The following DPYD variants were observed in gnomAD, a reference collection of about 807,000 sequenced individuals.
DPYD encodes dihydropyrimidine dehydrogenase [NADP(+)].
A neutral mutation model predicts 116.2 loss-of-function variants in DPYD; 109 were observed. The ratio of observed to expected loss-of-function variants is 0.94; its 90% confidence interval spans 0.80 to 1.10. The LOEUF (loss-of-function observed/expected upper bound fraction) is 1.10, where lower values mean the gene tolerates loss of function less well. Ranked by LOEUF, DPYD falls within the 50% of genes least tolerant of loss-of-function variation. DPYD has a pLI of 0.00. For missense variants in DPYD, 1,302 were observed against 1,254.5 expected, an observed-to-expected ratio of 1.04 and a Z score of -0.57; for synonymous variants, 440 against 432.0, an observed-to-expected ratio of 1.02 and a Z score of -0.23.
At chr1:97,127,869 A>G (rs1177598356) in intron 20 of DPYD, among the ~76,000 whole-genome samples, 2 of 152,158 alleles carry the variant, frequency 1.3e-5, no homozygotes, top group African/African-American at 4.8e-5. Flanking sequence ...TGGGAAGAGT[A>G]TATTAAACAG....
At chr1:97,816,085 G>T (rs1668590889) in intron 3 of DPYD, among the ~76,000 whole-genome samples, 1 of 150,634 alleles carries the variant, frequency 6.6e-6, no homozygotes. Context: ...TTAGGAGATG[G>T]ATTCTCACTA....
chr1:97,644,626 T>C (rs1474713426), intron 8 of DPYD, among the ~76,000 whole-genome samples: 3 of 151,332 alleles, frequency 2.0e-5, no homozygotes, highest in African/African-American at 7.3e-5. Flanking sequence ...TTTGTTTTTT[T>C]TTTTTGTATT....
chr1:97,276,417 C>T (rs151000498), intron 18 of DPYD, among the ~76,000 whole-genome samples: 2 of 152,150 alleles, frequency 1.3e-5, no homozygotes, highest in African/African-American at 4.8e-5. Context: ...CAACAAAAGT[C>T]TAATATCCAG....
intron 21 of DPYD, chr1:97,096,094 T>G (rs1650229160): frequency 6.6e-6 from 1 of 152,188 alleles, no homozygotes; most frequent in Admixed American, 6.5e-5. Flanking sequence ...GAACATAAAC[T>G]TGCACTATTT....
At chr1:97,787,358 G>T (rs1376490056) in intron 3 of DPYD, among the ~76,000 whole-genome samples, 1 of 152,096 alleles carries the variant, frequency 6.6e-6, no homozygotes. Flanking sequence ...TGGAAATAAA[G>T]AAGTTTCAAG....
At chr1:97,305,438 A>G (rs1667101099) in intron 17 of DPYD, 60 bp from the exon 18 acceptor site, 1 of 1,608,528 alleles carries the variant, frequency 6.2e-7, no homozygotes, top group South Asian at 1.1e-5. Flanking sequence ...GTTAAAACCC[A>G]TTCAAACCCT....
intron 19 of DPYD, among the ~76,000 whole-genome samples, chr1:97,226,475 A>G (rs1389870305): frequency 2.0e-5 from 3 of 152,188 alleles, no homozygotes; most frequent in Non-Finnish European, 4.4e-5. Flanking sequence ...ATATGTAGGA[A>G]ACTCGGAAGC....
chr1:97,692,197 T>C (rs553549172), intron 6 of DPYD, among the ~76,000 whole-genome samples: 1 of 152,152 alleles, frequency 6.6e-6, no homozygotes, highest in East Asian at 1.9e-4. Context: ...TTAATATATG[T>C]ATACACATAT....
intron 18 of DPYD, among the ~76,000 whole-genome samples, chr1:97,281,841 G>T (rs567531440): frequency 9.2e-5 from 14 of 151,896 alleles, no homozygotes; most frequent in Non-Finnish European, 1.9e-4. Context: ...CATGAGTAGG[G>T]TATAAAATTA....
In DPYD at chr1:97,316,053, C is replaced by T. The variant is rs1260603309; in HGVS notation, c.2059-9756G>A. ...CTCTGGAAGCAATTGTGCAAATGCC[C>T]ATGGATAAAGGACATGATGCCTTTG... On this transcript the variant is annotated intron_variant, in intron 16 of 22. Coordinates refer to ENST00000370192, the MANE Select transcript of DPYD (RefSeq NM_000110.4). Among the ~76,000 whole-genome samples the T allele has an allele frequency of 2.0e-5, 3 of 151,942 alleles. No individual in the cohort carries two copies. The East Asian group carries it at 5.8e-4, about 30-fold the overall frequency.
chr1:97,647,771 T>C (rs1052692981), intron 8 of DPYD, among the ~76,000 whole-genome samples: 15 of 152,062 alleles, frequency 9.9e-5, no homozygotes, highest in African/African-American at 3.6e-4. Context: ...AAGTTTTTCC[T>C]AATAAAATAT....
intron 10 of DPYD, among the ~76,000 whole-genome samples, chr1:97,584,270 T>C (rs1653923233): frequency 6.6e-6 from 1 of 152,112 alleles, no homozygotes; most frequent in Non-Finnish European, 1.5e-5. Context: ...TGTTTTTTTC[T>C]TGTAAATTTG....
intron 2 of DPYD, among the ~76,000 whole-genome samples, chr1:97,828,526 C>G (rs2101481724): frequency 6.6e-6 from 1 of 152,060 alleles, no homozygotes; most frequent in East Asian, 1.9e-4. Flanking sequence ...AATTAGTTCT[C>G]TAAAATAATC....
chr1:97,188,463 G>T (rs936634688), intron 20 of DPYD, among the ~76,000 whole-genome samples: 5 of 152,118 alleles, frequency 3.3e-5, no homozygotes, highest in African/African-American at 1.2e-4. Flanking sequence ...GTAGCATTGT[G>T]CTAGGTGCTT....
At chr1:97,489,793 G>T (rs1678866424) in intron 13 of DPYD, among the ~76,000 whole-genome samples, 1 of 152,068 alleles carries the variant, frequency 6.6e-6, no homozygotes, top group African/African-American at 2.4e-5. Flanking sequence ...AACAAACTTA[G>T]CATTTTAAAT....
chr1:97,679,569 G>A lies in DPYD; in HGVS notation c.763-387C>T, dbSNP rs1003437605. Among the ~76,000 whole-genome samples, 5 of 152,232 alleles carry A rather than the reference G, an allele frequency of 3.3e-5. No homozygotes were observed. In the South Asian group the frequency reaches 6.2e-4, roughly 19 times the overall value. Reference sequence around the variant, plus strand: ...CACAAATAAATGTAACATAAAACAAGCTATGATCACCACATGTGTATGAGA... The same window carrying A: ...CACAAATAAATGTAACATAAAACAAACTATGATCACCACATGTGTATGAGA... On this transcript the variant is annotated intron_variant, in intron 7 of 22. Transcript: ENST00000370192.
At chr1:97,324,612 A>C (rs1226112286) in intron 16 of DPYD, among the ~76,000 whole-genome samples, 1 of 152,108 alleles carries the variant, frequency 6.6e-6, no homozygotes, top group African/African-American at 2.4e-5. Context: ...CTTACAATCA[A>C]GTTATAGTTT....
intron 2 of DPYD, among the ~76,000 whole-genome samples, chr1:97,868,466 C>G (rs1671501064): frequency 6.6e-6 from 1 of 151,648 alleles, no homozygotes. Flanking sequence ...TTACCAATTA[C>G]CAGTCATTAC....
intron 14 of DPYD, among the ~76,000 whole-genome samples, chr1:97,441,085 T>A (rs1165743086): frequency 1.3e-5 from 2 of 152,182 alleles, no homozygotes; most frequent in African/African-American, 4.8e-5. Flanking sequence ...ACAGAACATG[T>A]CTTTATTCTC....
Sources: gnomAD v4.1 joint callset for allele counts (sites outside exome capture counted in the v4.1 genomes callset) on GRCh38, gnomAD v4.1.1 for gene constraint, MANE v1.5 for transcripts, NCBI Gene and HGNC (gene_info 2026-07-23, HGNC 2026-07-21) for gene names.